Variants in FBN2 observed in about 807,000 individuals in gnomAD.
FBN2 encodes fibrillin-2.
In FBN2, 105 loss-of-function variants were observed where a neutral mutation model predicts 355.6. The ratio of observed to expected loss-of-function variants is 0.30; its 90% CI spans 0.25 to 0.35. The LOEUF (loss-of-function observed/expected upper bound fraction) is 0.35, where lower values mean the gene tolerates loss of function less well. Among genes scored for constraint, FBN2 ranks in the 10% least tolerant of loss-of-function variants. FBN2 has a pLI of 1.00. For missense variants in FBN2, 3,280 were observed against 3,758.7 expected (o/e 0.87, Z 3.33); for synonymous variants, 1,350 against 1,301.2 (o/e 1.04, Z -0.81).
chr5:128,368,792 C>T lies in FBN2; in HGVS notation c.2248+390G>A, dbSNP rs574404229. 1.6e-4 allele frequency among the ~76,000 whole-genome samples: 25 copies of T among 151,882 alleles called. No individual in the cohort carries two copies. The South Asian group carries it at 5.0e-3, about 30-fold the overall frequency. Reference sequence around the variant, plus strand: ...TCAAGTGATCCCTTGCACCTCAGCCCCCCTAGTAGCTGGGACTACAGGTGT... The same window carrying T: ...TCAAGTGATCCCTTGCACCTCAGCCTCCCTAGTAGCTGGGACTACAGGTGT... On this transcript the variant is annotated intron_variant, in intron 16 of 64. Coordinates refer to ENST00000262464, the MANE Select transcript of FBN2 (RefSeq NM_001999.4).
intron 5 of FBN2, among the ~76,000 whole-genome samples, chr5:128,480,285 G>C (rs1384561762): frequency 6.6e-6 from 1 of 151,016 alleles, no homozygotes; most frequent in Non-Finnish European, 1.5e-5. Context: ...CAGGTAAGGT[G>C]TCATATTTTG....
chr5:128,343,824 T>C (rs1751094096), intron 25 of FBN2, among the ~76,000 whole-genome samples: 1 of 152,250 alleles, frequency 6.6e-6, no homozygotes, highest in Non-Finnish European at 1.5e-5. Context: ...TTGAAAATCA[T>C]ATTTGTATGC....
chr5:128,464,556 C>A (rs930177958), intron 6 of FBN2, among the ~76,000 whole-genome samples, 168 bp downstream of exon 6: 2 of 152,180 alleles, frequency 1.3e-5, no homozygotes, highest in Admixed American at 6.5e-5. Context: ...AACAATTATT[C>A]ATTAGGTGGC....
chr5:128,309,393 C>G lies in FBN2; in HGVS notation c.5207G>C (p.Arg1736Thr). 6.2e-7 allele frequency: 1 copy of G among 1,613,736 alleles called. No homozygotes were observed. Among genetic ancestry groups the G allele is most frequent in the Non-Finnish European group, 8.5e-7 (1 of 1,179,746 alleles). ...VNGGHNCMDMRKSFCYRSYNG... is the reference protein window; with the variant it reads ...VNGGHNCMDMTKSFCYRSYNG... ...ATAGCTTCGGTAGCAAAAGCTTTTT[C>G]TCATGTCTATATAAAGAAAAACAAA... Residue 1736 changes from arginine (R) to threonine (T), a missense_variant, in exon 41 of 65, where the codon AGA becomes ACA. By Grantham distance (71) the Arg-to-Thr change is moderately conservative. Around this residue, in one of 6 missense-constraint regions of FBN2, gnomAD observed 2,284 missense variants for 2,749.5 expected, o/e 0.83. Transcript: ENST00000262464.
intron 7 of FBN2, among the ~76,000 whole-genome samples, chr5:128,419,019 C>T (rs143093730): frequency 1.3e-5 from 2 of 152,160 alleles, no homozygotes; most frequent in African/African-American, 2.4e-5. Context: ...CTTAATTTAA[C>T]AAGGCTTTAC....
At chr5:128,526,746 C>T (rs956682169) in intron 4 of FBN2, among the ~76,000 whole-genome samples, 1 of 152,044 alleles carries the variant, frequency 6.6e-6, no homozygotes, top group Non-Finnish European at 1.5e-5. Flanking sequence ...ATGGGGGTTA[C>T]TGTTCAATGG....
intron 58 of FBN2, 74 bp downstream of exon 58, chr5:128,277,806 G>T (rs903777764): frequency 6.8e-7 from 1 of 1,471,072 alleles, no homozygotes; most frequent in African/African-American, 1.4e-5. Flanking sequence ...ACACTCTACT[G>T]ATAATGAGTG....
intron 6 of FBN2, among the ~76,000 whole-genome samples, chr5:128,458,595 A>G (rs962460661): frequency 6.6e-6 from 1 of 151,940 alleles, no homozygotes; most frequent in Non-Finnish European, 1.5e-5. Context: ...AAATCATAAC[A>G]GTCTCTCAGA....
chr5:128,291,380 C>T (rs2126821825), intron 49 of FBN2, 149 bp downstream of exon 49: 4 of 827,154 alleles, frequency 4.8e-6, no homozygotes, highest in Non-Finnish European at 8.0e-6. Context: ...TTGTTCATTG[C>T]TTATGTTTGA....
intron 8 of FBN2, among the ~76,000 whole-genome samples, chr5:128,400,111 A>AG (rs1285779795): frequency 6.6e-6 from 1 of 151,878 alleles, no homozygotes; most frequent in Non-Finnish European, 1.5e-5. Flanking sequence ...AAAGATTGAG[A>AG]GGGAAAATAC....
At chr5:128,531,826 G>A (rs1445214609) in intron 2 of FBN2, among the ~76,000 whole-genome samples, 1 of 151,622 alleles carries the variant, frequency 6.6e-6, no homozygotes, top group Non-Finnish European at 1.5e-5. Context: ...ATGGGCTTAT[G>A]TATGGATTAT....
At chr5:128,454,285 TG>T (rs1754328567) in intron 6 of FBN2, among the ~76,000 whole-genome samples, 1 of 152,246 alleles carries the variant, frequency 6.6e-6, no homozygotes, top group African/African-American at 2.4e-5. Context: ...GTTAGTTTTT[TG>T]TGGGGTTAGA....
At chr5:128,411,865 G>T in intron 7 of FBN2, among the ~76,000 whole-genome samples, 1 of 152,176 alleles carries the variant, frequency 6.6e-6, no homozygotes, top group Non-Finnish European at 1.5e-5. Flanking sequence ...TAGCATTTAT[G>T]TTCAGAAGGA....
intron 5 of FBN2, among the ~76,000 whole-genome samples, 172 bp downstream of exon 5, chr5:128,519,101 T>A (rs1328250775): frequency 6.6e-6 from 1 of 152,190 alleles, no homozygotes; most frequent in East Asian, 1.9e-4. Flanking sequence ...GTTGAGACAC[T>A]TCTGCCACTA....
At chr5:128,363,173 C>T (rs1367979250) in intron 18 of FBN2, among the ~76,000 whole-genome samples, 2 of 151,908 alleles carry the variant, frequency 1.3e-5, no homozygotes, top group Non-Finnish European at 2.9e-5. Context: ...CACTCCCCTT[C>T]CCTCCCTTCC....
At chr5:128,285,420 G>A (rs1429700905) in intron 55 of FBN2, among the ~76,000 whole-genome samples, 2 of 152,170 alleles carry the variant, frequency 1.3e-5, no homozygotes, top group African/African-American at 2.4e-5. Flanking sequence ...TCAGCTATCA[G>A]CATGGTATAA....
chr5:128,311,402 G>A lies in FBN2; in HGVS notation c.4972C>T (p.Pro1658Ser). The A allele has an allele frequency of 6.2e-7, 1 of 1,614,098 alleles. No homozygotes were observed. The highest frequency in any genetic ancestry group is 8.5e-7 in the Non-Finnish European group (1 of 1,179,982). Residue 1658 changes from proline (P) to serine (S), a missense_variant, in exon 39 of 65, where the codon CCA becomes TCA. By Grantham distance (74) the Pro-to-Ser change is moderately conservative (BLOSUM62 -1). Transcript: ENST00000262464. The stretch of plus-strand genomic sequence containing the variant: ...CAGTTTCCACCCTGGCAGAGACCTG[G>A]TAACTCCTGGCATTCGTCAATGTCT... ...LEDIDECQELPGLCQGGNCIN... is the reference protein window; with the variant it reads ...LEDIDECQELSGLCQGGNCIN...
At chr5:128,449,569 T>G (rs1341259904) in intron 6 of FBN2, among the ~76,000 whole-genome samples, 1 of 150,802 alleles carries the variant, frequency 6.6e-6, no homozygotes, top group Non-Finnish European at 1.5e-5. Flanking sequence ...TAGCTAATAA[T>G]CCAACTGTGG....
chr5:128,486,870 G>C (rs1022234174), intron 5 of FBN2, among the ~76,000 whole-genome samples: 1 of 151,952 alleles, frequency 6.6e-6, no homozygotes, highest in Non-Finnish European at 1.5e-5. Context: ...GCAGTGTTTG[G>C]TTTTCTGTCC....
Sources: gnomAD v4.1 joint callset for allele counts (sites outside exome capture counted in the v4.1 genomes callset) on GRCh38, gnomAD v4.1.1 for gene constraint, gnomAD v4.1.1 regional missense constraint, MANE v1.5 for transcripts, NCBI Gene and HGNC (gene_info 2026-07-23, HGNC 2026-07-21) for gene names.